DLGAP2: variants seen among roughly 807,000 people sequenced by gnomAD.
The protein encoded by DLGAP2 is disks large-associated protein 2.
A neutral mutation model predicts 100.3 loss-of-function variants in DLGAP2; 26 were observed. The observed-to-expected ratio is 0.26, with a 90% CI of 0.19 to 0.36. The LOEUF is 0.36. Among genes scored for constraint, DLGAP2 ranks in the 10% least tolerant of loss-of-function variants. The pLI is 1.00. For synonymous variants in DLGAP2, 886 were observed against 630.1 expected, an observed-to-expected ratio of 1.41 and a Z score of -6.08; for missense variants, 1,858 against 1,453.2, an observed-to-expected ratio of 1.28 and a Z score of -4.53.
chr8:934,975 A>G (rs1388243213), intron 2 of DLGAP2, among the ~76,000 whole-genome samples: 1 of 152,104 alleles, frequency 6.6e-6, no homozygotes, highest in Non-Finnish European at 1.5e-5. Context: ...AGCGTTTCCA[A>G]ACCCTCTGAG....
chr8:1,366,514 G>T (rs185386589), intron 3 of DLGAP2, among the ~76,000 whole-genome samples: 77 of 152,330 alleles, frequency 5.1e-4, no homozygotes, highest in South Asian at 4.1e-3. Context: ...CTGAGCTGAG[G>T]CTTTGGGGAT....
intron 3 of DLGAP2, among the ~76,000 whole-genome samples, chr8:1,267,605 AGATAAGATAAGATAAGATAAAT>A (rs1799488523): frequency 1.0e-5 from 1 of 99,900 alleles, no homozygotes; most frequent in Admixed American, 9.1e-5. Flanking sequence ...AGATAAGATA[AGATAAGATAAGATAAGATAAAT>A]ATTAAATAGG....
At chr8:1,479,738 T>C (rs1799037123) in intron 3 of DLGAP2, among the ~76,000 whole-genome samples, 1 of 152,228 alleles carries the variant, frequency 6.6e-6, no homozygotes, top group African/African-American at 2.4e-5. Flanking sequence ...AGTCTTTTCC[T>C]TGTGCCTCAT....
At chr8:818,060 C>T (rs912168397) in intron 1 of DLGAP2, among the ~76,000 whole-genome samples, 8 of 152,008 alleles carry the variant, frequency 5.3e-5, no homozygotes, top group African/African-American at 1.7e-4. Context: ...CCATAGAGCT[C>T]CCAAGATATT....
chr8:1,283,463 C>T (rs1055887202), intron 3 of DLGAP2, among the ~76,000 whole-genome samples: 1 of 152,218 alleles, frequency 6.6e-6, no homozygotes, highest in Non-Finnish European at 1.5e-5. Flanking sequence ...TTAAAATAAA[C>T]TACAAATGTA....
chr8:1,647,719 C>A (rs1229277021), intron 8 of DLGAP2, among the ~76,000 whole-genome samples: 1 of 152,120 alleles, frequency 6.6e-6, no homozygotes, highest in Admixed American at 6.5e-5. Context: ...AGCTGCCAGT[C>A]CCCTGCCGGG....
chr8:1,105,700 A>AG (rs1196872745), intron 2 of DLGAP2, among the ~76,000 whole-genome samples: 9 of 141,566 alleles, frequency 6.4e-5, no homozygotes, highest in Admixed American at 5.0e-4. Context: ...TTTCTACTGA[A>AG]GGGGGCCGTT....
intron 4 of DLGAP2, among the ~76,000 whole-genome samples, chr8:1,536,407 G>A (rs753043283): frequency 6.6e-6 from 1 of 152,122 alleles, no homozygotes; most frequent in African/African-American, 2.4e-5. Flanking sequence ...CCTAAAAAAG[G>A]ATTATCTAAC....
At chr8:987,382 G>A (rs754721678) in intron 2 of DLGAP2, among the ~76,000 whole-genome samples, 10 of 152,180 alleles carry the variant, frequency 6.6e-5, no homozygotes, top group Non-Finnish European at 1.5e-4. Context: ...TTGCACACCT[G>A]TAGAAATCGT....
intron 1 of DLGAP2, among the ~76,000 whole-genome samples, chr8:828,994 G>A (rs905422572): frequency 6.6e-5 from 10 of 152,096 alleles, no homozygotes; most frequent in African/African-American, 1.9e-4. Flanking sequence ...CTTTTAGTTA[G>A]GGTTTGGGAA....
intron 2 of DLGAP2, among the ~76,000 whole-genome samples, chr8:971,929 C>T (rs959211531): frequency 2.0e-5 from 3 of 152,118 alleles, no homozygotes; most frequent in African/African-American, 7.2e-5. Flanking sequence ...AACTGAGACC[C>T]AATCATAGCA....
intron 2 of DLGAP2, among the ~76,000 whole-genome samples, chr8:1,091,690 C>G (rs1585050248): frequency 6.6e-6 from 1 of 152,270 alleles, no homozygotes; most frequent in East Asian, 1.9e-4. Context: ...GTTGGTGAAG[C>G]AGTTCTTGTG....
In DLGAP2 at chr8:1,691,561, G is replaced by A; in HGVS notation, c.2731G>A (p.Gly911Arg). Residue 911 changes from glycine to arginine, a missense_variant, in exon 13 of 15, where the codon GGG becomes AGG. By Grantham distance (125) the Gly-to-Arg change is moderately radical (BLOSUM62 -2). Coordinates refer to ENST00000637795, the MANE Select transcript of DLGAP2 (RefSeq NM_001346810.2). ...TCTCGGTAAAATCAGGAGTGCTGTT[G>A]GGAGTGCCCAGCTTCTCATGTCCCA... ...EILGKIRSAV[G>R]SAQLLMSQKF... is the part of the protein sequence containing the mutation. The A allele has an allele frequency of 6.2e-7, 1 of 1,614,064 alleles. No homozygotes were observed. Among genetic ancestry groups the A allele is most frequent in the Non-Finnish European group, 8.5e-7 (1 of 1,179,972 alleles).
At chr8:1,442,779 C>G (rs888212919) in intron 3 of DLGAP2, among the ~76,000 whole-genome samples, 2 of 148,990 alleles carry the variant, frequency 1.3e-5, no homozygotes, top group Non-Finnish European at 2.9e-5. Context: ...GGGCATAGAC[C>G]CACCAGGCTG....
At chr8:834,650 C>T (rs148257433) in intron 1 of DLGAP2, among the ~76,000 whole-genome samples, 4 of 152,232 alleles carry the variant, frequency 2.6e-5, no homozygotes, top group African/African-American at 9.6e-5. Context: ...CTGGGAAATG[C>T]AGTCCTGGAC....
intron 3 of DLGAP2, among the ~76,000 whole-genome samples, chr8:1,275,634 C>G (rs1799667422): frequency 6.7e-6 from 1 of 148,342 alleles, no homozygotes; most frequent in Admixed American, 6.9e-5. Context: ...GGAAAAGGGT[C>G]CAAGTAGTTC....
At chr8:1,127,919 A>G (rs944457503) in intron 2 of DLGAP2, among the ~76,000 whole-genome samples, 1 of 152,228 alleles carries the variant, frequency 6.6e-6, no homozygotes, top group Non-Finnish European at 1.5e-5. Context: ...CGGATCTTTC[A>G]AATAATGATT....
At chr8:748,516 G>T (rs929141054) in intron 1 of DLGAP2, among the ~76,000 whole-genome samples, 4 of 152,236 alleles carry the variant, frequency 2.6e-5, no homozygotes, top group Admixed American at 6.5e-5. Flanking sequence ...CCCTTACCTG[G>T]CATTTGTTTT....
chr8:1,385,998 C>G (rs893133027), intron 3 of DLGAP2, among the ~76,000 whole-genome samples: 1 of 152,226 alleles, frequency 6.6e-6, no homozygotes, highest in Non-Finnish European at 1.5e-5. Context: ...GGAGCAATTC[C>G]CAGGCAAGAG....
Sources: gnomAD v4.1 joint callset for allele counts (sites outside exome capture counted in the v4.1 genomes callset) on GRCh38, gnomAD v4.1.1 for gene constraint, MANE v1.5 for transcripts, NCBI Gene and HGNC (gene_info 2026-07-23, HGNC 2026-07-21) for gene names.